Variants in RECK observed in about 807,000 individuals in gnomAD.
RECK encodes reversion-inducing cysteine-rich protein with Kazal motifs.
Under a neutral mutation model 115.1 loss-of-function variants are expected in RECK, and 69 were observed. That is an observed-to-expected ratio of 0.60 (90% CI 0.49 to 0.73). The LOEUF (loss-of-function observed/expected upper bound fraction) is 0.73. RECK is among the 30% of genes least tolerant of loss of function. The pLI is 0.00. For synonymous variants in RECK, 414 were observed against 419.7 expected, an observed-to-expected ratio of 0.99 and a Z score of 0.17; for missense variants, 1,047 against 1,203.7, an observed-to-expected ratio of 0.87 and a Z score of 1.93.
intron 13 of RECK, among the ~76,000 whole-genome samples, chr9:36,107,284 G>A (rs1273318314): frequency 1.3e-5 from 2 of 151,496 alleles, no homozygotes; most frequent in African/African-American, 4.9e-5. Context: ...AAGTTTTTCT[G>A]AACAATATTA....
intron 1 of RECK, among the ~76,000 whole-genome samples, chr9:36,038,476 A>C (rs577605544): frequency 1.9e-4 from 29 of 152,336 alleles, no homozygotes; most frequent in African/African-American, 6.7e-4. Context: ...AACACTTACA[A>C]AATTATGAAA....
intron 17 of RECK, 83 bp from the exon 18 acceptor site, chr9:36,118,674 A>G (rs760884962): frequency 1.8e-5 from 23 of 1,300,290 alleles, no homozygotes; most frequent in Non-Finnish European, 2.0e-5. Context: ...CTTCCTGAAA[A>G]TAGGGAGGCA....
intron 13 of RECK, among the ~76,000 whole-genome samples, chr9:36,107,337 C>T (rs562063321): frequency 2.6e-4 from 39 of 152,182 alleles, no homozygotes; most frequent in African/African-American, 9.1e-4. Context: ...CGCCTGTAAT[C>T]CCAGCACTTT....
At chr9:36,057,080 G>A (rs1018392791) in intron 2 of RECK, 1 of 922,742 alleles carries the variant, frequency 1.1e-6, no homozygotes, top group African/African-American at 1.8e-5. Context: ...AATTGTAATT[G>A]CATAACGTCC....
At chr9:36,101,512 G>T (rs1294249908) in intron 11 of RECK, among the ~76,000 whole-genome samples, 1 of 152,086 alleles carries the variant, frequency 6.6e-6, no homozygotes, top group Non-Finnish European at 1.5e-5. Context: ...ACATGGCTTC[G>T]GGATAACCTG....
At chr9:36,073,558 G>A (rs140693147) in intron 6 of RECK, among the ~76,000 whole-genome samples, 1 of 152,224 alleles carries the variant, frequency 6.6e-6, no homozygotes, top group African/African-American at 2.4e-5. Flanking sequence ...GTTTTCCTGT[G>A]TCTAATTTCT....
chr9:36,087,953 A>T lies in RECK; in HGVS notation c.897A>T (p.Ser299=). Residue 299 remains serine (S), a synonymous_variant, in exon 9 of 21, where the codon TCA becomes TCT. Coordinates refer to ENST00000377966, the MANE Select transcript of RECK (RefSeq NM_021111.3). Reference sequence around the variant, plus strand: ...ATTGTTGTTCTAAAGCAAACACTTCAACATGTAGGTTAGTATTTCATTTTC... The same window carrying T: ...ATTGTTGTTCTAAAGCAAACACTTCTACATGTAGGTTAGTATTTCATTTTC... ...KLHCCSKANT[S]TCRELCTKLY... 6.2e-7 allele frequency: 1 copy of T among 1,610,678 alleles called. No individual in the cohort carries two copies. Among genetic ancestry groups the T allele is most frequent in the Non-Finnish European group, 8.5e-7 (1 of 1,177,666 alleles).
chr9:36,109,340 G>A (rs1823942798), intron 14 of RECK, among the ~76,000 whole-genome samples: 1 of 152,218 alleles, frequency 6.6e-6, no homozygotes, highest in Non-Finnish European at 1.5e-5. Flanking sequence ...CAGGGCATCA[G>A]AAGAGTCTTT....
In RECK at chr9:36,102,079, C is replaced by T. The variant is rs1243283543; in HGVS notation, c.1299-15C>T. 12 of 1,604,700 alleles carry T rather than the reference C, an allele frequency of 7.5e-6. No homozygotes were observed. Among genetic ancestry groups the T allele is most frequent in the Non-Finnish European group, 1.0e-5 (12 of 1,175,618 alleles). ...GTTCCTCAAGCTCTAAACTTACGTG[C>T]ATTTTTTTTTCAAGATCAGATTGTG... On this transcript the variant is annotated splice_polypyrimidine_tract_variant and intron_variant, in intron 11 of 20. Transcript: ENST00000377966.
chr9:36,081,588 C>A (rs1460193139), intron 7 of RECK, among the ~76,000 whole-genome samples: 1 of 152,184 alleles, frequency 6.6e-6, no homozygotes, highest in Non-Finnish European at 1.5e-5. Flanking sequence ...AACCCCAGCA[C>A]TTTGCGAGGC....
chr9:36,043,505 C>G (rs1236052668), intron 1 of RECK, among the ~76,000 whole-genome samples: 1 of 152,002 alleles, frequency 6.6e-6, no homozygotes, highest in South Asian at 2.1e-4. Flanking sequence ...TTTTGCTGTG[C>G]AGAAGCTTTT....
rs1227056055 is a variant in RECK at position 36,108,037 on chromosome 9, A to G, written c.1638A>G (p.Pro546=). ...IVRQGTLIQV[P]SSAGEVGCYK... The stretch of plus-strand genomic sequence containing the variant: ...GTCAAGGGACACTAATCCAGGTGCC[A>G]TCATCTGCAGGGGAAGTTGGTTGTT... The change falls in exon 14 of 21, where the codon CCA becomes CCG. Residue 546 remains proline, a synonymous_variant. Transcript: ENST00000377966. 3 of 1,614,124 alleles carry G rather than the reference A, an allele frequency of 1.9e-6. No homozygotes were observed. Among genetic ancestry groups the G allele is most frequent in the Non-Finnish European group, 2.5e-6 (3 of 1,179,996 alleles).
rs772909130 is a variant in RECK, at chr9:36,063,897, A to C, written c.357+17A>C. ...TGCAAGCAGGTAACACTGGGTAGTCAGGCTCTCAAACATCATGGAGTGCAG... is the reference window on the plus strand; with the variant it reads ...TGCAAGCAGGTAACACTGGGTAGTCCGGCTCTCAAACATCATGGAGTGCAG... On this transcript the variant is annotated intron_variant, in intron 5 of 20. Coordinates refer to ENST00000377966, the MANE Select transcript of RECK (RefSeq NM_021111.3). 4 of 1,611,862 alleles carry C rather than the reference A, an allele frequency of 2.5e-6. No homozygotes were observed. Among genetic ancestry groups the C allele is most frequent in the Non-Finnish European group, 3.4e-6 (4 of 1,177,980 alleles).
chr9:36,120,010 G>A (rs1415631688), intron 18 of RECK, among the ~76,000 whole-genome samples: 2 of 152,124 alleles, frequency 1.3e-5, no homozygotes, highest in Non-Finnish European at 2.9e-5. Context: ...CGAGGCAGGC[G>A]GATCACGAGA....
chr9:36,107,485 G>A (rs549986563), intron 13 of RECK, among the ~76,000 whole-genome samples: 35 of 151,634 alleles, frequency 2.3e-4, no homozygotes, highest in African/African-American at 6.5e-4. Context: ...CACGCCTGTA[G>A]TCCCAGCTAC....
intron 1 of RECK, among the ~76,000 whole-genome samples, chr9:36,047,007 A>G (rs1472500827): frequency 6.6e-6 from 1 of 152,210 alleles, no homozygotes; most frequent in Admixed American, 6.5e-5. Flanking sequence ...AAAAATCCCT[A>G]GGTCCAAATC....
chr9:36,118,711 T>TA, intron 17 of RECK, 46 bp from the exon 18 acceptor site: 1 of 1,579,220 alleles, frequency 6.3e-7, no homozygotes, highest in Non-Finnish European at 8.7e-7. Flanking sequence ...TTGGGAAAGG[T>TA]ACAACATAGA....
chr9:36,064,076 C>CAG (rs1821893192), intron 5 of RECK, among the ~76,000 whole-genome samples, 196 bp downstream of exon 5: 1 of 152,172 alleles, frequency 6.6e-6, no homozygotes, highest in Non-Finnish European at 1.5e-5. Flanking sequence ...ATGGCCTCAG[C>CAG]CTGCTTTTAT....
chr9:36,048,641 A>C (rs1465347198), intron 1 of RECK, among the ~76,000 whole-genome samples: 1 of 151,870 alleles, frequency 6.6e-6, no homozygotes, highest in Non-Finnish European at 1.5e-5. Context: ...TGAATTCTTT[A>C]CTCTTGTCTA....
Sources: allele counts gnomAD v4.1 joint callset (sites outside exome capture counted in the v4.1 genomes callset), GRCh38; gene constraint gnomAD v4.1.1; transcripts MANE v1.5; gene names NCBI Gene and HGNC (gene_info 2026-07-23, HGNC 2026-07-21).